Variants in ROBO2 observed in about 807,000 individuals in gnomAD.
ROBO2 encodes roundabout guidance receptor 2.
Under a neutral mutation model 160.8 loss-of-function variants are expected in ROBO2, and 53 were observed. The ratio of observed to expected loss-of-function variants is 0.33; its 90% confidence interval spans 0.26 to 0.41. ROBO2 has a LOEUF of 0.41. Among genes scored for constraint, ROBO2 ranks in the 10% least tolerant of loss-of-function variants. The pLI, the probability that ROBO2 is intolerant of heterozygous loss-of-function variation, is 1.00. For synonymous variants in ROBO2, 664 were observed against 611.7 expected, an observed-to-expected ratio of 1.09 and a Z score of -1.26; for missense variants, 1,577 against 1,722.4, an observed-to-expected ratio of 0.92 and a Z score of 1.49.
At chr3:76,430,481 C>A (rs1051783132) in intron 2 of ROBO2, among the ~76,000 whole-genome samples, 2 of 151,856 alleles carry the variant, frequency 1.3e-5, no homozygotes, top group Non-Finnish European at 1.5e-5. Context: ...TAATCAGAAG[C>A]CTATTTTTAT....
chr3:76,979,869 C>G (rs2060007860), intron 2 of ROBO2, among the ~76,000 whole-genome samples: 1 of 151,150 alleles, frequency 6.6e-6, no homozygotes, highest in African/African-American at 2.4e-5. Context: ...TGAGGAGATT[C>G]CTGGAAACAA....
chr3:76,553,942 C>A (rs1397099858), intron 2 of ROBO2, among the ~76,000 whole-genome samples: 1 of 152,152 alleles, frequency 6.6e-6, no homozygotes, highest in Non-Finnish European at 1.5e-5. Context: ...TGCCTTCATT[C>A]TTCATGCAAG....
At chr3:77,440,189 T>C (rs1265376856) in intron 2 of ROBO2, among the ~76,000 whole-genome samples, 1 of 152,156 alleles carries the variant, frequency 6.6e-6, no homozygotes, top group African/African-American at 2.4e-5. Context: ...ATTTTTACTT[T>C]GTCTTTACAT....
chr3:77,318,599 G>T (rs2064320904), intron 2 of ROBO2, among the ~76,000 whole-genome samples: 1 of 152,114 alleles, frequency 6.6e-6, no homozygotes. Flanking sequence ...ACTGAAGTTG[G>T]TTCAAACTAG....
chr3:76,168,905 T>A (rs2072932597), intron 2 of ROBO2, among the ~76,000 whole-genome samples: 1 of 151,640 alleles, frequency 6.6e-6, no homozygotes, highest in Non-Finnish European at 1.5e-5. Flanking sequence ...TATACAAATG[T>A]GTATAAATTT....
chr3:76,457,838 T>G (rs771010124), intron 2 of ROBO2, among the ~76,000 whole-genome samples: 1 of 152,174 alleles, frequency 6.6e-6, no homozygotes, highest in Admixed American at 6.5e-5. Flanking sequence ...GCTTCCACTC[T>G]CTGAAGCCAC....
chr3:76,915,492 C>G (rs973516583), intron 2 of ROBO2, among the ~76,000 whole-genome samples: 1 of 151,340 alleles, frequency 6.6e-6, no homozygotes, highest in Non-Finnish European at 1.5e-5. Context: ...GAAACCCTGT[C>G]TCCATTAAAA....
chr3:76,542,287 G>T (rs1272374560), intron 2 of ROBO2, among the ~76,000 whole-genome samples: 3 of 152,076 alleles, frequency 2.0e-5, no homozygotes, highest in Non-Finnish European at 4.4e-5. Flanking sequence ...GTATAATAGT[G>T]ATCAGCACTT....
intron 2 of ROBO2, among the ~76,000 whole-genome samples, chr3:76,523,294 C>T (rs749803511): frequency 6.6e-6 from 1 of 152,044 alleles, no homozygotes; most frequent in African/African-American, 2.4e-5. Context: ...TAGTCACTTA[C>T]AGAATAAAGT....
intron 2 of ROBO2, among the ~76,000 whole-genome samples, chr3:76,987,316 T>C (rs980704320): frequency 1.3e-5 from 2 of 152,230 alleles, no homozygotes; most frequent in African/African-American, 4.8e-5. Flanking sequence ...CTATTTGCAC[T>C]GTTCATTTTG....
At chr3:75,997,274 A>T (rs1264225904) in intron 2 of ROBO2, among the ~76,000 whole-genome samples, 1 of 152,186 alleles carries the variant, frequency 6.6e-6, no homozygotes, top group African/African-American at 2.4e-5. Context: ...ATATCAAATG[A>T]TATCAAATCA....
intron 2 of ROBO2, among the ~76,000 whole-genome samples, chr3:77,166,852 C>G (rs1168966208): frequency 6.6e-6 from 1 of 152,230 alleles, no homozygotes; most frequent in Non-Finnish European, 1.5e-5. Flanking sequence ...AGCCCCCGCG[C>G]CCGGCCGACA....
chr3:77,130,090 A>G (rs2075712726), intron 2 of ROBO2, among the ~76,000 whole-genome samples: 1 of 152,144 alleles, frequency 6.6e-6, no homozygotes, highest in African/African-American at 2.4e-5. Context: ...TTCAACTGTT[A>G]AACAACCACA....
intron 8 of ROBO2, among the ~76,000 whole-genome samples, chr3:77,552,885 T>A (rs761434737): frequency 3.9e-5 from 6 of 152,016 alleles, no homozygotes; most frequent in Non-Finnish European, 5.9e-5. Flanking sequence ...TTTAATACTA[T>A]CTGAGCCATT....
chr3:77,327,182 T>C (rs1425272747), intron 2 of ROBO2, among the ~76,000 whole-genome samples: 2 of 152,222 alleles, frequency 1.3e-5, no homozygotes, highest in Non-Finnish European at 2.9e-5. Flanking sequence ...ACTCTCAATG[T>C]AGCCGAATAT....
intron 2 of ROBO2, among the ~76,000 whole-genome samples, chr3:76,255,966 T>C (rs1706332758): frequency 6.6e-6 from 1 of 152,074 alleles, no homozygotes; most frequent in Non-Finnish European, 1.5e-5. Context: ...TTCTTATAGA[T>C]ATTTGTATCA....
At chr3:76,348,314 A>G (rs2074659410) in intron 2 of ROBO2, among the ~76,000 whole-genome samples, 1 of 152,144 alleles carries the variant, frequency 6.6e-6, no homozygotes, top group Non-Finnish European at 1.5e-5. Flanking sequence ...CTGACTGGAG[A>G]TGCTCTGGTA....
At chr3:76,465,234 T>C (rs2078297899) in intron 2 of ROBO2, among the ~76,000 whole-genome samples, 1 of 152,122 alleles carries the variant, frequency 6.6e-6, no homozygotes, top group Admixed American at 6.6e-5. Flanking sequence ...AAGATATGTT[T>C]CTACTGGGAG....
intron 2 of ROBO2, among the ~76,000 whole-genome samples, chr3:76,432,571 G>A (rs2076483875): frequency 6.6e-6 from 1 of 152,106 alleles, no homozygotes; most frequent in African/African-American, 2.4e-5. Flanking sequence ...TTTCTCACTG[G>A]CTAATGGGAG....
Sources: allele counts gnomAD v4.1 joint callset (sites outside exome capture counted in the v4.1 genomes callset), GRCh38; gene constraint gnomAD v4.1.1; transcripts MANE v1.5; gene names NCBI Gene and HGNC (gene_info 2026-07-23, HGNC 2026-07-21).